ZNF81: variants seen among roughly 807,000 people sequenced by gnomAD.
ZNF81 encodes the protein zinc finger protein 81, also known as zinc finger protein 81 (HFZ20).
ZNF81 carries 5 observed loss-of-function variants against 32.3 expected under a neutral mutation model. The observed-to-expected ratio is 0.15, with a 90% CI of 0.08 to 0.33. The LOEUF (loss-of-function observed/expected upper bound fraction) is 0.33. Ranked by LOEUF, ZNF81 falls within the 10% of genes least tolerant of loss-of-function variation. ZNF81 has a pLI of 1.00. For synonymous variants in ZNF81, 163 were observed against 166.8 expected, an observed-to-expected ratio of 0.98 and a Z score of 0.17; for missense variants, 379 against 479.8, an observed-to-expected ratio of 0.79 and a Z score of 1.96.
Position 47,916,051 on chromosome X carries a change from C to G in ZNF81, c.1405C>G (p.Pro469Ala), listed in dbSNP as rs782515733. The change falls in exon 5 of 5, where the codon CCT becomes GCT. Residue 469 changes from proline to alanine, a missense_variant. Pro to Ala is a conservative substitution (Grantham distance 27). Transcript: ENST00000338637. ...AHQRIHTGEK[P>A]YECSDCGKSF... Reference sequence around the variant, plus strand: ...TCAAAGAATTCATACTGGAGAGAAGCCTTATGAATGCAGTGACTGTGGGAA... The same window carrying G: ...TCAAAGAATTCATACTGGAGAGAAGGCTTATGAATGCAGTGACTGTGGGAA... 1 of 1,209,538 alleles carries G rather than the reference C, an allele frequency of 8.3e-7. No homozygotes were observed. The highest frequency in any genetic ancestry group is 1.8e-5 in the African/African-American group (1 of 57,058).
chrX:47,867,293 A>G (rs2058563794), intron 2 of ZNF81, among the ~76,000 whole-genome samples: 2 of 112,110 alleles, frequency 1.8e-5, no homozygotes, highest in South Asian at 7.4e-4. Context: ...CAGGCAGAAG[A>G]CTTGTTTAGC....
At chrX:47,867,017 C>T (rs2058562500) in intron 2 of ZNF81, among the ~76,000 whole-genome samples, 2 of 111,502 alleles carry the variant, frequency 1.8e-5, no homozygotes, top group Non-Finnish European at 3.8e-5. Context: ...AAATGAAACA[C>T]CACATGTTTT....
chrX:47,851,736 C>T (rs1313980659), intron 2 of ZNF81, among the ~76,000 whole-genome samples: 1 of 111,923 alleles, frequency 8.9e-6, no homozygotes, highest in Admixed American at 9.5e-5. Flanking sequence ...ACTAGAAAAG[C>T]CTTCCTCATT....
intron 2 of ZNF81, among the ~76,000 whole-genome samples, chrX:47,867,152 G>A (rs1354203908): frequency 9.0e-6 from 1 of 111,423 alleles, no homozygotes; most frequent in Non-Finnish European, 1.9e-5. Flanking sequence ...ATGCATGCTG[G>A]GCTTAATACC....
chrX:47,916,803 T>A lies in ZNF81; in HGVS notation c.*171T>A. 1 of 461,350 alleles carries A rather than the reference T, an allele frequency of 2.2e-6. No homozygotes were observed. Among genetic ancestry groups the A allele is most frequent in the Non-Finnish European group, 3.3e-6 (1 of 300,479 alleles). 38.0% of individuals were successfully genotyped at this position (461,350 alleles called of 1,213,427 possible). ...AAAAATTATTCAGAAGAAACTCTCT[T>A]AAAAATGCATTGAAGGAGAGAGAAT... On this transcript the variant is annotated 3_prime_UTR_variant, in exon 5 of 5. Coordinates refer to ENST00000338637, the MANE Select transcript of ZNF81 (RefSeq NM_007137.5).
chrX:47,869,409 A>G (rs782369281), intron 2 of ZNF81, among the ~76,000 whole-genome samples: 1 of 111,840 alleles, frequency 8.9e-6, no homozygotes, highest in South Asian at 3.7e-4. Flanking sequence ...TGTGGAGACC[A>G]TTACTGGGAG....
chrX:47,883,218 T>A lies in ZNF81; in HGVS notation c.55-4781T>A, dbSNP rs782536031. Reference sequence around the variant, plus strand: ...ATTTGTATATCTTTTTTGTGTCTGCTCAAGTATTTTGCTCATTAAAAAAAA... The same window carrying A: ...ATTTGTATATCTTTTTTGTGTCTGCACAAGTATTTTGCTCATTAAAAAAAA... On this transcript the variant is annotated intron_variant, in intron 2 of 4. Coordinates refer to ENST00000338637, the MANE Select transcript of ZNF81 (RefSeq NM_007137.5). Among the ~76,000 whole-genome samples, 9 of 111,788 alleles carry A rather than the reference T, an allele frequency of 8.1e-5. No homozygotes were observed. In the South Asian group the frequency reaches 3.4e-3, roughly 42 times the overall value.
At chrX:47,866,892 T>C (rs782342649) in intron 2 of ZNF81, among the ~76,000 whole-genome samples, 1 of 111,583 alleles carries the variant, frequency 9.0e-6, no homozygotes, top group Admixed American at 9.5e-5. Flanking sequence ...GAAAATGTGG[T>C]ACATATACAC....
In ZNF81 at chrX:47,916,377, T is replaced by C; in HGVS notation, c.1731T>C (p.Thr577=). ...TGATTACACATCAGAGAATTCATAC[T>C]ACAGAGAAGCCTTATAAATGTCCTG... is the stretch of plus-strand genomic sequence containing the variant. ...SELITHQRIH[T]TEKPYKCPDC... Residue 577 remains threonine (T), a synonymous_variant, in exon 5 of 5, where the codon ACT becomes ACC. Transcript: ENST00000338637. The C allele has an allele frequency of 8.3e-7, 1 of 1,211,603 alleles. No individual in the cohort carries two copies. Among genetic ancestry groups the C allele is most frequent in the Non-Finnish European group, 1.1e-6 (1 of 895,501 alleles).
At chrX:47,913,620 C>T (rs782350699) in intron 4 of ZNF81, among the ~76,000 whole-genome samples, 134 of 111,774 alleles carry the variant, frequency 1.2e-3, no homozygotes, top group African/African-American at 4.3e-3. Context: ...ATGTATTGAG[C>T]CAGCTCCATG....
intron 4 of ZNF81, among the ~76,000 whole-genome samples, chrX:47,906,579 G>A (rs782691826): frequency 6.2e-4 from 69 of 111,933 alleles, no homozygotes; most frequent in African/African-American, 2.1e-3. Flanking sequence ...CACTTTGGGA[G>A]GCTGAGGCAG....
Position 47,923,793 on chromosome X carries a change from A to T in ZNF81, c.*7161A>T, listed in dbSNP as rs904001385. Among the ~76,000 whole-genome samples, 2 of 112,092 alleles carry T rather than the reference A, an allele frequency of 1.8e-5. No individual in the cohort carries two copies. The highest frequency in any genetic ancestry group is 3.8e-5 in the Non-Finnish European group (2 of 53,205). On this transcript the variant is annotated 3_prime_UTR_variant, in exon 5 of 5. Transcript: ENST00000338637. ...AATTACATGAGATTTGGAAGGTCAA[A>T]GGGAAGGAGCAACTATTGCTGTGAA...
At chrX:47,888,377 CACAA>C (rs2058650719) in intron 3 of ZNF81, among the ~76,000 whole-genome samples, 1 of 110,847 alleles carries the variant, frequency 9.0e-6, no homozygotes, top group African/African-American at 3.3e-5. Context: ...CACACACACA[CACAA>C]ACACACACAC....
At chrX:47,885,268 T>C (rs1389419858) in intron 2 of ZNF81, among the ~76,000 whole-genome samples, 1 of 111,760 alleles carries the variant, frequency 8.9e-6, no homozygotes, top group Non-Finnish European at 1.9e-5. Context: ...ACTATGATGC[T>C]CCTAGGAATG....
Position 47,925,413 on chromosome X carries a change from A to G in ZNF81, c.*8781A>G, listed in dbSNP as rs992104158. 8.9e-5 allele frequency among the ~76,000 whole-genome samples: 10 copies of G among 111,976 alleles called. No homozygotes were observed. Among genetic ancestry groups the G allele is most frequent in the African/African-American group, 2.9e-4 (9 of 30,811 alleles). On this transcript the variant is annotated 3_prime_UTR_variant, in exon 5 of 5. Transcript: ENST00000338637. ...AATTTTATACACATGGAATAATACT[A>G]TAGGTACTCTTGTTTGGCTCCTTCC...
At chrX:47,898,932 T>C (rs1055881267) in intron 4 of ZNF81, among the ~76,000 whole-genome samples, 15 of 111,923 alleles carry the variant, frequency 1.3e-4, no homozygotes, top group African/African-American at 4.9e-4. Context: ...AAGTTGCTAG[T>C]GATTGATTTT....
intron 4 of ZNF81, among the ~76,000 whole-genome samples, chrX:47,914,519 G>A (rs903557299): frequency 8.9e-6 from 1 of 111,898 alleles, no homozygotes; most frequent in Non-Finnish European, 1.9e-5. Context: ...GTTGCCTACC[G>A]TATTCAGTAC....
At chrX:47,841,692 T>G in intron 1 of ZNF81, 1 of 706,641 alleles carries the variant, frequency 1.4e-6, no homozygotes, top group Non-Finnish European at 2.2e-6. Context: ...TCTTTGCTCT[T>G]GCTCTGCCAT....
At chrX:47,873,459 T>C (rs1556884139) in intron 2 of ZNF81, among the ~76,000 whole-genome samples, 2 of 111,565 alleles carry the variant, frequency 1.8e-5, no homozygotes, top group African/African-American at 6.5e-5. Flanking sequence ...TGGAGGGTTT[T>C]CTCCGGGGCT....
Sources: gnomAD v4.1 joint callset for allele counts (sites outside exome capture counted in the v4.1 genomes callset) on GRCh38, gnomAD v4.1.1 for gene constraint, MANE v1.5 for transcripts, NCBI Gene and HGNC (gene_info 2026-07-23, HGNC 2026-07-21) for gene names.